The following PHTF2 variants were observed in gnomAD, a reference collection of about 807,000 sequenced individuals.
PHTF2 encodes the protein putative homeodomain transcription factor 2.
In PHTF2, 60 loss-of-function variants were observed where a neutral mutation model predicts 101.2. The ratio of observed to expected loss-of-function variants is 0.59; its 90% CI spans 0.48 to 0.73. PHTF2 has a LOEUF of 0.73. Among genes scored for constraint, PHTF2 ranks in the 30% least tolerant of loss-of-function variants. The pLI is 0.00. For missense variants in PHTF2, 747 were observed against 908.7 expected, an observed-to-expected ratio of 0.82 and a Z score of 2.29; for synonymous variants, 311 against 307.3, an observed-to-expected ratio of 1.01 and a Z score of -0.13.
At chr7:77,942,815 A>T (rs1335736603) in intron 16 of PHTF2, 29 bp downstream of exon 15, 16 of 988,800 alleles carry the variant, frequency 1.6e-5, no homozygotes, top group Non-Finnish European at 2.5e-5. Flanking sequence ...TGTAGAAATT[A>T]ACCAGATATA....
chr7:77,869,602 G>A (rs1798358511), intron 3 of PHTF2, among the ~76,000 whole-genome samples: 1 of 152,064 alleles, frequency 6.6e-6, no homozygotes, highest in South Asian at 2.1e-4. Flanking sequence ...TAGATCATAT[G>A]GTAGTTCAAT....
rs558728927 is a variant in PHTF2 at position 77,879,870 on chromosome 7, A to G, written c.148-13738A>G. 8.1e-4 allele frequency among the ~76,000 whole-genome samples: 123 copies of G among 152,334 alleles called. 1 individual carries two copies. The highest frequency in any genetic ancestry group is 2.9e-3 in the African/African-American group (120 of 41,578). ...CCTCTTCTACTCACAGTACTTTTCC[A>G]TGAGAAATGTATACAAAAGCATCTA... On this transcript the variant is annotated intron_variant, in intron 3 of 19. Transcript: ENST00000416283.
chr7:77,888,504 G>T (rs753251429), intron 3 of PHTF2, among the ~76,000 whole-genome samples: 1 of 152,116 alleles, frequency 6.6e-6, no homozygotes, highest in Non-Finnish European at 1.5e-5. Flanking sequence ...ACAAACACTG[G>T]AGGCATTGGG....
At chr7:77,819,095 G>GC (rs1794073722) in intron 1 of PHTF2, among the ~76,000 whole-genome samples, 1 of 152,072 alleles carries the variant, frequency 6.6e-6, no homozygotes, top group Admixed American at 6.6e-5. Flanking sequence ...ACTGTATCTT[G>GC]CAATTATACT....
At chr7:77,813,346 A>T (rs948403499) in intron 1 of PHTF2, among the ~76,000 whole-genome samples, 1 of 152,220 alleles carries the variant, frequency 6.6e-6, no homozygotes, top group Non-Finnish European at 1.5e-5. Flanking sequence ...AAGAGAACAT[A>T]ATCAGCTGTG....
intron 3 of PHTF2, among the ~76,000 whole-genome samples, chr7:77,864,571 A>G (rs901306707): frequency 6.6e-6 from 1 of 151,538 alleles, no homozygotes; most frequent in Non-Finnish European, 1.5e-5. Flanking sequence ...AAGTCTTCCC[A>G]TGCTATTTTT....
chr7:77,884,211 G>A (rs534387549), intron 3 of PHTF2, among the ~76,000 whole-genome samples: 1 of 152,248 alleles, frequency 6.6e-6, no homozygotes, highest in East Asian at 1.9e-4. Flanking sequence ...TTTTCTCTGA[G>A]AATTTGTCTT....
intron 16 of PHTF2, among the ~76,000 whole-genome samples, chr7:77,949,256 A>T (rs1373306179): frequency 6.6e-6 from 1 of 152,098 alleles, no homozygotes; most frequent in Non-Finnish European, 1.5e-5. Flanking sequence ...TCCAACTCCC[A>T]AGTGCTTAGA....
chr7:77,944,035 A>G (rs1414400335), intron 16 of PHTF2, among the ~76,000 whole-genome samples: 2 of 152,108 alleles, frequency 1.3e-5, no homozygotes, highest in African/African-American at 2.4e-5. Context: ...AAATCAAACA[A>G]TGCTCGGGGG....
At chr7:77,865,252 G>C (rs968112815) in intron 3 of PHTF2, among the ~76,000 whole-genome samples, 1 of 151,214 alleles carries the variant, frequency 6.6e-6, no homozygotes, top group African/African-American at 2.4e-5. Flanking sequence ...TTTAGACAGA[G>C]TCTCGCTCTG....
chr7:77,954,203 G>C (rs948338335), intron 19 of PHTF2, among the ~76,000 whole-genome samples: 3 of 151,960 alleles, frequency 2.0e-5, no homozygotes, highest in South Asian at 4.1e-4. Context: ...GCGCGACCTT[G>C]GCTCACTGCA....
chr7:77,889,686 G>A (rs1007112876), intron 3 of PHTF2, among the ~76,000 whole-genome samples: 1 of 150,376 alleles, frequency 6.6e-6, no homozygotes, highest in African/African-American at 2.5e-5. Context: ...CACCTTCTAG[G>A]TTCAAGCAAT....
intron 16 of PHTF2, among the ~76,000 whole-genome samples, chr7:77,948,601 A>G (rs1009397172): frequency 2.0e-5 from 3 of 152,274 alleles, no homozygotes; most frequent in Admixed American, 6.5e-5. Context: ...GGAAAAACGA[A>G]CAACATACTA....
At chr7:77,944,650 G>GAA (rs1409216672) in intron 16 of PHTF2, among the ~76,000 whole-genome samples, 3 of 152,154 alleles carry the variant, frequency 2.0e-5, no homozygotes, top group African/African-American at 7.2e-5. Flanking sequence ...AACATAGGAA[G>GAA]AAACAGTCTA....
At chr7:77,866,173 G>T (rs1229622556) in intron 3 of PHTF2, among the ~76,000 whole-genome samples, 1 of 117,436 alleles carries the variant, frequency 8.5e-6, no homozygotes, top group Non-Finnish European at 1.6e-5. Context: ...GACAGAGCGA[G>T]ACTACCTCTC....
chr7:77,866,416 A>G (rs1240255261), intron 3 of PHTF2, among the ~76,000 whole-genome samples: 1 of 152,122 alleles, frequency 6.6e-6, no homozygotes, highest in African/African-American at 2.4e-5. Flanking sequence ...AGAAAATATC[A>G]TTTCTCAATT....
rs1164138472 is a variant in PHTF2 at position 77,910,231 on chromosome 7, C to G, written c.612-14C>G. 2.5e-6 allele frequency: 4 copies of G among 1,598,110 alleles called. No homozygotes were observed. Among genetic ancestry groups the G allele is most frequent in the Non-Finnish European group, 2.6e-6 (3 of 1,173,580 alleles). ...ATTAAAGCTGCCTTCCATTCTTAAT[C>G]TCTTCTGATGAAGGAAATTAAGAAA... is the stretch of plus-strand genomic sequence containing the variant. On this transcript the variant is annotated splice_polypyrimidine_tract_variant and intron_variant, in intron 8 of 19. Coordinates refer to ENST00000416283, the Ensembl canonical transcript of PHTF2.
Position 77,851,828 on chromosome 7 carries a change from TA to T in PHTF2, c.46-2904del, listed in dbSNP as rs374828927. Among the ~76,000 whole-genome samples the T allele has an allele frequency of 4.8e-4, 73 of 152,322 alleles. 1 individual carries two copies. The South Asian group carries it at 0.015, about 31-fold the overall frequency. ...TTTGAGTTTTTCAACTTTTTTGATA[TA>T]GGGGCTGATTGGATTAAAGAGGATT... On this transcript the variant is annotated intron_variant, in intron 2 of 19. Coordinates refer to ENST00000416283, the Ensembl canonical transcript of PHTF2.
chr7:77,826,800 A>G (rs1366559429), intron 1 of PHTF2, among the ~76,000 whole-genome samples: 2 of 152,232 alleles, frequency 1.3e-5, no homozygotes, highest in South Asian at 4.1e-4. Flanking sequence ...TGGTTAATCA[A>G]ATACACAGGA....
Sources: allele counts gnomAD v4.1 joint callset (sites outside exome capture counted in the v4.1 genomes callset), GRCh38; gene constraint gnomAD v4.1.1; transcripts MANE v1.5; gene names NCBI Gene and HGNC (gene_info 2026-07-23, HGNC 2026-07-21).